EPM2A: variants seen among roughly 807,000 people sequenced by gnomAD.
EPM2A encodes the protein EPM2A glucan phosphatase, laforin.
EPM2A carries 21 observed loss-of-function variants against 26.5 expected under a neutral mutation model. The observed-to-expected ratio is 0.79, with a 90% CI of 0.56 to 1.14. The LOEUF (loss-of-function observed/expected upper bound fraction) is 1.14. EPM2A is among the 50% of genes most tolerant of loss of function. EPM2A has a pLI of 0.00. For synonymous variants in EPM2A, 217 were observed against 177.6 expected (o/e 1.22, Z -1.76); for missense variants, 458 against 440.8 (o/e 1.04, Z -0.35).
chr6:145,445,300 A>G (rs1035671833), intron 4 of EPM2A, among the ~76,000 whole-genome samples: 1 of 152,214 alleles, frequency 6.6e-6, no homozygotes, highest in Non-Finnish European at 1.5e-5. Flanking sequence ...TTTTTCTTTG[A>G]CAAATGACCC....
At chr6:145,416,883 G>C (rs1178242991) in intron 4 of EPM2A, among the ~76,000 whole-genome samples, 2 of 150,790 alleles carry the variant, frequency 1.3e-5, no homozygotes, top group South Asian at 2.1e-4. Context: ...TTTTTTTACT[G>C]TCATTATATT....
chr6:145,557,676 G>A (rs1030298035), intron 2 of EPM2A, among the ~76,000 whole-genome samples: 1 of 151,978 alleles, frequency 6.6e-6, no homozygotes, highest in Non-Finnish European at 1.5e-5. Context: ...TGTATACATT[G>A]CATCATAGCT....
At chr6:145,491,243 C>A in intron 4 of EPM2A, 1 of 375,890 alleles carries the variant, frequency 2.7e-6, no homozygotes, top group Non-Finnish European at 5.1e-6. Context: ...GGGGCTGGGG[C>A]TAGCCGGCCA....
chr6:145,386,428 T>G (rs1343391627), intron 4 of EPM2A, among the ~76,000 whole-genome samples: 2 of 152,058 alleles, frequency 1.3e-5, no homozygotes, highest in Non-Finnish European at 2.9e-5. Flanking sequence ...CTTTCCTACA[T>G]GTAGGAAACT....
chr6:145,498,881 A>T (rs1779854549), downstream of EPM2A, among the ~76,000 whole-genome samples: 1 of 152,144 alleles, frequency 6.6e-6, no homozygotes, highest in Non-Finnish European at 1.5e-5. Context: ...CTGTTTTCAT[A>T]TCTCGGCTAT....
At chr6:145,565,437 T>C (rs117511118) in intron 2 of EPM2A, among the ~76,000 whole-genome samples, 2,544 of 151,356 alleles carry the variant, frequency 0.017, 30 homozygotes, top group Middle Eastern at 0.041. Flanking sequence ...CTTTAGGTAG[T>C]AAAAAAAAAT....
chr6:145,531,065 C>T (rs368671336), intron 2 of EPM2A, among the ~76,000 whole-genome samples: 109 of 152,208 alleles, frequency 7.2e-4, no homozygotes, highest in African/African-American at 2.3e-3. Context: ...ATGGGAGTTC[C>T]GTCAGGATGG....
intron 1 of EPM2A, among the ~76,000 whole-genome samples, chr6:145,718,625 TAAATA>T (rs1250787360): frequency 6.6e-6 from 1 of 152,154 alleles, no homozygotes; most frequent in Non-Finnish European, 1.5e-5. Flanking sequence ...AAATGGGATC[TAAATA>T]AACTAAAGAG....
At chr6:145,674,897 A>G (rs1399378071) in intron 2 of EPM2A, among the ~76,000 whole-genome samples, 2 of 152,218 alleles carry the variant, frequency 1.3e-5, no homozygotes, top group Non-Finnish European at 2.9e-5. Context: ...CCAACCTGGT[A>G]AGGCAGGCCA....
intron 3 of EPM2A, 58 bp from the exon 4 acceptor site, chr6:145,627,751 T>C (rs1301509679): frequency 1.9e-6 from 3 of 1,591,374 alleles, no homozygotes; most frequent in East Asian, 4.5e-5. Flanking sequence ...ATACCGCCGC[T>C]GAGGTCTCCT....
intron 2 of EPM2A, among the ~76,000 whole-genome samples, chr6:145,523,765 T>C (rs947347298): frequency 6.6e-6 from 1 of 152,004 alleles, no homozygotes; most frequent in Non-Finnish European, 1.5e-5. Context: ...GTCCCTCACC[T>C]TTTTTTTCAT....
At position 145,546,786 on chromosome 6, in the gene EPM2A, CAT is replaced by C. The variant is rs549848879; in HGVS notation, c.341-44213_341-44212del. Among the ~76,000 whole-genome samples, 264 of 152,100 alleles carry C rather than the reference CAT, an allele frequency of 1.7e-3. 1 individual carries two copies. Among genetic ancestry groups the C allele is most frequent in the African/African-American group, 6.1e-3 (254 of 41,494 alleles). ...ATATAGACACAGATTCCTATATTCC[CAT>C]ATATAAGATTGTATACATTTTTCCT... On this transcript the variant is annotated intron_variant, in intron 2 of 3. Coordinates refer to the EPM2A transcript ENST00000450221.
At chr6:145,637,215 T>C (rs558591457) in intron 2 of EPM2A, 5 of 152,354 alleles carry the variant, frequency 3.3e-5, no homozygotes, top group Middle Eastern at 3.4e-3. Context: ...TTCAGTTAAT[T>C]CTTCATTGTT....
At chr6:145,433,133 T>C (rs1342125489) in intron 4 of EPM2A, among the ~76,000 whole-genome samples, 1 of 152,208 alleles carries the variant, frequency 6.6e-6, no homozygotes, top group Non-Finnish European at 1.5e-5. Context: ...CATTTTCTTA[T>C]CATTTATGTG....
chr6:145,407,769 C>T (rs182596408), intron 4 of EPM2A, among the ~76,000 whole-genome samples: 224 of 152,152 alleles, frequency 1.5e-3, no homozygotes, highest in Admixed American at 3.2e-3. Context: ...TAGGGAAAGG[C>T]TACTAAAATT....
At chr6:145,615,677 A>T (rs1364661814) in intron 2 of EPM2A, among the ~76,000 whole-genome samples, 1 of 152,054 alleles carries the variant, frequency 6.6e-6, no homozygotes, top group African/African-American at 2.4e-5. Context: ...GCTGATAGTG[A>T]TATGGACAAT....
chr6:145,578,922 G>C (rs1781073646), intron 2 of EPM2A, among the ~76,000 whole-genome samples: 1 of 151,666 alleles, frequency 6.6e-6, no homozygotes, highest in Admixed American at 6.6e-5. Context: ...TCGCCCACAT[G>C]TTCTCACTCA....
intron 2 of EPM2A, among the ~76,000 whole-genome samples, chr6:145,601,546 C>A (rs545455945): frequency 6.6e-6 from 1 of 152,286 alleles, no homozygotes; most frequent in Non-Finnish European, 1.5e-5. Context: ...TTCCTTTGTT[C>A]TGTGTGTGTA....
chr6:145,454,225 T>G (rs1407590754), intron 4 of EPM2A, among the ~76,000 whole-genome samples: 1 of 152,298 alleles, frequency 6.6e-6, no homozygotes, highest in African/African-American at 2.4e-5. Flanking sequence ...GTGCCGGAAG[T>G]GGTGGAAGTA....
Sources: gnomAD v4.1 joint callset for allele counts (sites outside exome capture counted in the v4.1 genomes callset) on GRCh38, gnomAD v4.1.1 for gene constraint, MANE v1.5 for transcripts, NCBI Gene and HGNC (gene_info 2026-07-23, HGNC 2026-07-21) for gene names.